The following CDK17 variants were observed in gnomAD, a reference collection of about 807,000 sequenced individuals.
CDK17 encodes the protein cyclin dependent kinase 17, also known as cyclin-dependent kinase 17.
Under a neutral mutation model 77.6 loss-of-function variants are expected in CDK17, and 24 were observed. The ratio of observed to expected loss-of-function variants is 0.31; its 90% confidence interval spans 0.22 to 0.44. The LOEUF (loss-of-function observed/expected upper bound fraction) is 0.44, where lower values mean the gene tolerates loss of function less well. Among genes scored for constraint, CDK17 ranks in the 20% least tolerant of loss-of-function variants. CDK17 has a pLI of 1.00. For synonymous variants in CDK17, 203 were observed against 210.4 expected (o/e 0.96, Z 0.30); for missense variants, 429 against 622.5 (o/e 0.69, Z 3.31).
chr12:96,301,626 C>T (rs555766075), intron 5 of CDK17, among the ~76,000 whole-genome samples: 1 of 151,964 alleles, frequency 6.6e-6, no homozygotes, highest in South Asian at 2.1e-4. Context: ...GGTGCTAATG[C>T]CCTTAAATAA....
intron 1 of CDK17, 122 bp downstream of exon 1, chr12:96,399,864 G>A: frequency 7.3e-6 from 2 of 273,156 alleles, no homozygotes. Context: ...TTCCCGACCG[G>A]GCCTGAGCCA....
At chr12:96,369,703 C>T (rs547719112) in intron 1 of CDK17, among the ~76,000 whole-genome samples, 3 of 152,058 alleles carry the variant, frequency 2.0e-5, no homozygotes, top group Non-Finnish European at 4.4e-5. Flanking sequence ...CGTTTGAACC[C>T]GGGAGGTGGA....
chr12:96,381,642 G>A (rs191476987), intron 1 of CDK17, among the ~76,000 whole-genome samples: 2 of 151,162 alleles, frequency 1.3e-5, no homozygotes, highest in East Asian at 3.9e-4. Context: ...ACATATATAA[G>A]AATATCAAAA....
In CDK17 at chr12:96,280,840, G is replaced by T. The variant is rs201195345; in HGVS notation, c.1502C>A (p.Pro501Gln). 6.2e-7 allele frequency: 1 copy of T among 1,613,774 alleles called. No individual in the cohort carries two copies. The highest frequency in any genetic ancestry group is 2.2e-5 in the East Asian group (1 of 44,868). ...TGGATAAGAAGAATTTCGAAAACCCGGGTCCTTTTGCAACTGAATCTCTTT... is the reference window on the plus strand; with the variant it reads ...TGGATAAGAAGAATTTCGAAAACCCTGGTCCTTTTGCAACTGAATCTCTTT... ...SLKEIQLQKD[P>Q]GFRNSSYPET... The change falls in exon 16 of 17, where the codon CCG (proline) becomes CAG (glutamine). Residue 501 changes from proline (P) to glutamine (Q), a missense_variant. By Grantham distance (76) the Pro-to-Gln change is moderately conservative. Transcript: ENST00000261211.
intron 11 of CDK17, 98 bp from the exon 12 acceptor site, chr12:96,286,859 C>T: frequency 1.1e-6 from 1 of 917,616 alleles, no homozygotes. Context: ...GAATTTTGCA[C>T]TAGCCTGTCG....
At chr12:96,312,876 G>GA (rs141244890) in intron 4 of CDK17, among the ~76,000 whole-genome samples, 8 of 151,412 alleles carry the variant, frequency 5.3e-5, no homozygotes, top group Middle Eastern at 3.4e-3. Context: ...TATAATGCAA[G>GA]AAAAAAAAGC....
At chr12:96,349,047 T>G (rs1438189378) in intron 1 of CDK17, among the ~76,000 whole-genome samples, 3 of 152,126 alleles carry the variant, frequency 2.0e-5, no homozygotes, top group Admixed American at 6.6e-5. Flanking sequence ...CAAAAATCCT[T>G]AAGAAAATAC....
At chr12:96,293,814 C>T (rs1952361115) in intron 10 of CDK17, among the ~76,000 whole-genome samples, 1 of 152,194 alleles carries the variant, frequency 6.6e-6, no homozygotes, top group Admixed American at 6.5e-5. Flanking sequence ...TTAACATCAA[C>T]ATCGATCTCA....
chr12:96,361,593 C>T (rs1226731907), intron 1 of CDK17, among the ~76,000 whole-genome samples: 2 of 152,182 alleles, frequency 1.3e-5, no homozygotes, highest in African/African-American at 4.8e-5. Context: ...TTAAACTAGG[C>T]TGTTTGAGTT....
chr12:96,354,128 G>T (rs1953359601), intron 1 of CDK17, among the ~76,000 whole-genome samples: 1 of 152,118 alleles, frequency 6.6e-6, no homozygotes, highest in Non-Finnish European at 1.5e-5. Context: ...GACAACCTGG[G>T]CCAAGCAATT....
intron 5 of CDK17, among the ~76,000 whole-genome samples, chr12:96,309,679 A>G (rs561304716): frequency 6.6e-6 from 1 of 152,336 alleles, no homozygotes; most frequent in Non-Finnish European, 1.5e-5. Flanking sequence ...TGGGTAGTTA[A>G]TTCACAAAAG....
intron 1 of CDK17, among the ~76,000 whole-genome samples, chr12:96,357,341 A>G (rs1444543780): frequency 6.6e-6 from 1 of 152,186 alleles, no homozygotes; most frequent in African/African-American, 2.4e-5. Flanking sequence ...ATGTGCCTGT[A>G]GTCCTAGCTA....
intron 5 of CDK17, among the ~76,000 whole-genome samples, chr12:96,307,391 C>G (rs1952589700): frequency 6.6e-6 from 1 of 152,092 alleles, no homozygotes; most frequent in Admixed American, 6.5e-5. Flanking sequence ...TTCTTAATAT[C>G]ATGTAGACTG....
At chr12:96,297,133 T>A (rs1952418826) in intron 9 of CDK17, 137 bp downstream of exon 9, 1 of 551,018 alleles carries the variant, frequency 1.8e-6, no homozygotes, top group Non-Finnish European at 3.2e-6. Flanking sequence ...ATATTGCACG[T>A]TCAGAGGACA....
intron 1 of CDK17, among the ~76,000 whole-genome samples, chr12:96,380,644 C>T (rs1953864673): frequency 6.6e-6 from 1 of 152,100 alleles, no homozygotes; most frequent in Non-Finnish European, 1.5e-5. Flanking sequence ...TTCTGAAGCA[C>T]CAACATCACA....
chr12:96,323,356 T>C (rs1043672117), intron 3 of CDK17, among the ~76,000 whole-genome samples: 3 of 151,716 alleles, frequency 2.0e-5, no homozygotes, highest in Non-Finnish European at 4.4e-5. Flanking sequence ...CTCAGGAGGC[T>C]GAGGTGGGAG....
intron 1 of CDK17, among the ~76,000 whole-genome samples, chr12:96,381,460 T>C (rs952566370): frequency 1.3e-4 from 20 of 151,952 alleles, no homozygotes; most frequent in African/African-American, 4.3e-4. Flanking sequence ...CTTATAGATA[T>C]ACTGACATAC....
chr12:96,398,568 G>GAA (rs1357513492), intron 1 of CDK17, among the ~76,000 whole-genome samples: 1 of 152,182 alleles, frequency 6.6e-6, no homozygotes, highest in Non-Finnish European at 1.5e-5. Flanking sequence ...GTCTAAAACA[G>GAA]AACAAGCCAG....
At chr12:96,361,541 TTAAGG>T (rs776804763) in intron 1 of CDK17, among the ~76,000 whole-genome samples, 7 of 152,210 alleles carry the variant, frequency 4.6e-5, no homozygotes, top group Non-Finnish European at 1.0e-4. Flanking sequence ...TTTTAAATAT[TTAAGG>T]TAATATTTTG....
Sources: allele counts gnomAD v4.1 joint callset (sites outside exome capture counted in the v4.1 genomes callset), GRCh38; gene constraint gnomAD v4.1.1; transcripts MANE v1.5; gene names NCBI Gene and HGNC (gene_info 2026-07-23, HGNC 2026-07-21).